LRRC4C: variants seen among roughly 807,000 people sequenced by gnomAD.
LRRC4C encodes leucine-rich repeat-containing protein 4C.
In LRRC4C, 5 loss-of-function variants were observed where a neutral mutation model predicts 33.6. That is an observed-to-expected ratio of 0.15 (90% confidence interval 0.08 to 0.31). The LOEUF (loss-of-function observed/expected upper bound fraction) is 0.31, where lower values mean the gene tolerates loss of function less well. LRRC4C is among the 10% of genes least tolerant of loss of function. The probability of loss-of-function intolerance (pLI) is 1.00; values close to 1 mark genes in which losing one functional copy is unlikely to be tolerated. For missense variants in LRRC4C, 560 were observed against 796.7 expected (o/e 0.70, Z 3.58); for synonymous variants, 329 against 302.0 (o/e 1.09, Z -0.93).
chr11:40,129,446 TTA>T (rs1856494260), intron 6 of LRRC4C, among the ~76,000 whole-genome samples: 1 of 152,148 alleles, frequency 6.6e-6, no homozygotes, highest in African/African-American at 2.4e-5. Context: ...CAGCCCTGTT[TTA>T]TGTTTGACCA....
intron 4 of LRRC4C, among the ~76,000 whole-genome samples, chr11:40,252,789 T>C (rs1866891469): frequency 6.6e-6 from 1 of 152,160 alleles, no homozygotes; most frequent in East Asian, 1.9e-4. Flanking sequence ...ATTTATGTAA[T>C]CCATATATAT....
intron 2 of LRRC4C, among the ~76,000 whole-genome samples, chr11:40,659,277 T>C (rs935088145): frequency 3.9e-5 from 6 of 152,300 alleles, no homozygotes; most frequent in East Asian, 3.9e-4. Flanking sequence ...CTTTGGGCCC[T>C]GATGAGGGCA....
At chr11:40,127,005 T>A (rs1159815145) in intron 6 of LRRC4C, among the ~76,000 whole-genome samples, 1 of 150,334 alleles carries the variant, frequency 6.7e-6, no homozygotes, top group Non-Finnish European at 1.5e-5. Context: ...TGGGGCCAGG[T>A]GTAGTGGCTC....
chr11:41,097,849 C>T (rs550686378), intron 1 of LRRC4C, among the ~76,000 whole-genome samples: 2 of 152,212 alleles, frequency 1.3e-5, no homozygotes, highest in East Asian at 3.9e-4. Context: ...CATGGTCATG[C>T]CTCACATCCC....
intron 3 of LRRC4C, among the ~76,000 whole-genome samples, chr11:40,366,221 G>A (rs1048506304): frequency 6.6e-6 from 1 of 152,048 alleles, no homozygotes; most frequent in African/African-American, 2.4e-5. Flanking sequence ...TATAACATAT[G>A]CTTTCTACCT....
At chr11:41,392,465 G>A (rs1953637452) in intron 1 of LRRC4C, among the ~76,000 whole-genome samples, 1 of 151,476 alleles carries the variant, frequency 6.6e-6, no homozygotes, top group African/African-American at 2.4e-5. Flanking sequence ...ACAGTTACGT[G>A]TAATAAGCCT....
chr11:40,392,978 G>A (rs78183764), intron 3 of LRRC4C, among the ~76,000 whole-genome samples: 5,899 of 152,050 alleles, frequency 0.039, 157 homozygotes, highest in Non-Finnish European at 0.061. Context: ...CCATTGATAA[G>A]TGACTCACGA....
intron 1 of LRRC4C, among the ~76,000 whole-genome samples, chr11:41,379,222 C>T (rs564147362): frequency 6.6e-6 from 1 of 152,016 alleles, no homozygotes; most frequent in Non-Finnish European, 1.5e-5. Flanking sequence ...TAAATATAGC[C>T]TGCATATGGT....
intron 1 of LRRC4C, among the ~76,000 whole-genome samples, chr11:41,343,672 T>A (rs1429594780): frequency 6.6e-6 from 1 of 152,216 alleles, no homozygotes; most frequent in African/African-American, 2.4e-5. Flanking sequence ...ATATTTACAG[T>A]GCAGCTTGAA....
At chr11:41,308,764 G>T (rs184148612) in intron 1 of LRRC4C, among the ~76,000 whole-genome samples, 12 of 151,728 alleles carry the variant, frequency 7.9e-5, no homozygotes, top group Admixed American at 6.6e-4. Context: ...TGGGCCAAAC[G>T]CAAACAGTGC....
At chr11:41,118,031 A>G (rs1005410758) in intron 1 of LRRC4C, among the ~76,000 whole-genome samples, 7 of 152,184 alleles carry the variant, frequency 4.6e-5, no homozygotes, top group Non-Finnish European at 1.0e-4. Context: ...AATTCTAAAA[A>G]TTACTACCCC....
At chr11:41,069,176 T>G (rs2135412800) in intron 1 of LRRC4C, among the ~76,000 whole-genome samples, 1 of 152,296 alleles carries the variant, frequency 6.6e-6, no homozygotes, top group Non-Finnish European at 1.5e-5. Flanking sequence ...AAACACTTGA[T>G]TATTCTAATA....
intron 2 of LRRC4C, among the ~76,000 whole-genome samples, chr11:40,834,395 C>A (rs1952561448): frequency 8.7e-5 from 13 of 149,884 alleles, no homozygotes; most frequent in Non-Finnish European, 1.5e-5. Flanking sequence ...CGCTTGAATT[C>A]GGGAGGTGGA....
At chr11:40,404,391 G>A (rs900774165) in intron 3 of LRRC4C, among the ~76,000 whole-genome samples, 2 of 152,116 alleles carry the variant, frequency 1.3e-5, no homozygotes, top group African/African-American at 4.8e-5. Flanking sequence ...CTAAAATAGT[G>A]CATAATATAT....
chr11:41,410,097 T>A (rs1479021125), intron 1 of LRRC4C, among the ~76,000 whole-genome samples: 2 of 152,188 alleles, frequency 1.3e-5, no homozygotes, highest in Non-Finnish European at 2.9e-5. Flanking sequence ...CCTCATCCCA[T>A]CCACTGTGTT....
At chr11:40,417,258 GA>G (rs1482933984) in intron 3 of LRRC4C, among the ~76,000 whole-genome samples, 1 of 152,024 alleles carries the variant, frequency 6.6e-6, no homozygotes, top group East Asian at 1.9e-4. Context: ...GGCAATAAAC[GA>G]ACTCAATACC....
At chr11:40,313,879 C>T (rs1295225527) in intron 4 of LRRC4C, among the ~76,000 whole-genome samples, 1 of 152,012 alleles carries the variant, frequency 6.6e-6, no homozygotes, top group African/African-American at 2.4e-5. Context: ...TCCCAAAGTG[C>T]TGGGATTACA....
intron 1 of LRRC4C, among the ~76,000 whole-genome samples, chr11:41,284,737 C>A (rs1949771339): frequency 6.6e-6 from 1 of 152,128 alleles, no homozygotes; most frequent in Admixed American, 6.5e-5. Context: ...TGACTGGATT[C>A]CTGAAGAAAA....
chr11:40,806,131 A>G (rs1281867618), intron 2 of LRRC4C, among the ~76,000 whole-genome samples: 4 of 152,218 alleles, frequency 2.6e-5, no homozygotes, highest in Non-Finnish European at 5.9e-5. Flanking sequence ...TGTTGTCATT[A>G]TCTAATGCTG....
Sources: gnomAD v4.1 joint callset for allele counts (sites outside exome capture counted in the v4.1 genomes callset) on GRCh38, gnomAD v4.1.1 for gene constraint, MANE v1.5 for transcripts, NCBI Gene and HGNC (gene_info 2026-07-23, HGNC 2026-07-21) for gene names.